OSBPL9: variants seen among roughly 807,000 people sequenced by gnomAD.
OSBPL9 encodes oxysterol binding protein like 9, also known as oxysterol-binding protein-related protein 9.
OSBPL9 carries 40 observed loss-of-function variants against 106.6 expected under a neutral mutation model. The observed-to-expected ratio is 0.38, with a 90% CI of 0.29 to 0.49. The LOEUF is 0.49. OSBPL9 is among the 20% of genes least tolerant of loss of function. The pLI, the probability that OSBPL9 is intolerant of heterozygous loss-of-function variation, is 0.97. For missense variants in OSBPL9, 609 were observed against 887.2 expected, an observed-to-expected ratio of 0.69 and a Z score of 3.98; for synonymous variants, 269 against 295.4, an observed-to-expected ratio of 0.91 and a Z score of 0.92.
the OSBPL9 span, among the ~76,000 whole-genome samples, chr1:51,540,221 A>T: frequency 4.7e-4 from 71 of 150,104 alleles, no homozygotes; most frequent in East Asian, 6.1e-3. Context: ...ATTATTTTAA[A>T]TTTTTTTTTT....
At chr1:51,568,810 A>G in the OSBPL9 span, among the ~76,000 whole-genome samples, 1 of 152,028 alleles carries the variant, frequency 6.6e-6, no homozygotes, top group Non-Finnish European at 1.5e-5. Context: ...GCTCACTACA[A>G]CCTCCATCTC....
In OSBPL9 at chr1:51,745,573, T is replaced by A; in HGVS notation, c.356T>A (p.Phe119Tyr). Reference sequence around the variant, plus strand: ...GGATTTGTTCCTAGTGTCCAAGATTTTGATAAGAAACTTACAGAAGCTGAT... The same window carrying A: ...GGATTTGTTCCTAGTGTCCAAGATTATGATAAGAAACTTACAGAAGCTGAT... ...DSGFVPSVQDFDKKLTEADAY... is the reference protein window; with the variant it reads ...DSGFVPSVQDYDKKLTEADAY... The change falls in exon 5 of 24, where the codon TTT becomes TAT. Residue 119 changes from phenylalanine (F) to tyrosine (Y), a missense_variant. By Grantham distance (22) the Phe-to-Tyr change is conservative (BLOSUM62 3). Coordinates refer to ENST00000428468, the MANE Select transcript of OSBPL9 (RefSeq NM_024586.6). 6.2e-7 allele frequency: 1 copy of A among 1,608,860 alleles called. No homozygotes were observed.
At position 51,781,155 on chromosome 1, in the gene OSBPL9, C is replaced by A. The variant is rs1676293667; in HGVS notation, c.1257-9C>A. The A allele has an allele frequency of 1.2e-6, 2 of 1,613,210 alleles. No individual in the cohort carries two copies. Among genetic ancestry groups the A allele is most frequent in the South Asian group, 2.2e-5 (2 of 91,026 alleles). ...GCAGGACATTAAATTTTGTCTTTCTCCCTTGCAGCATTAGTGACCAGAAGG... is the reference window on the plus strand; with the variant it reads ...GCAGGACATTAAATTTTGTCTTTCTACCTTGCAGCATTAGTGACCAGAAGG... On this transcript the variant is annotated splice_polypyrimidine_tract_variant and intron_variant, in intron 15 of 23. Coordinates refer to ENST00000428468, the MANE Select transcript of OSBPL9 (RefSeq NM_024586.6).
chr1:51,602,419 ATT>A (rs1357173060), intron 2 of OSBPL9, among the ~76,000 whole-genome samples: 8 of 104,660 alleles, frequency 7.6e-5, no homozygotes, highest in Admixed American at 2.0e-4. Flanking sequence ...TTTTTTTTTA[ATT>A]TTTTTTTTTT....
the OSBPL9 span, chr1:51,563,630 A>T: frequency 6.6e-6 from 1 of 152,014 alleles, no homozygotes; most frequent in East Asian, 1.9e-4. Context: ...CTCACCTTAT[A>T]CTTCGGATTT....
At chr1:51,704,510 G>A (rs1658006470) in intron 3 of OSBPL9, among the ~76,000 whole-genome samples, 1 of 152,174 alleles carries the variant, frequency 6.6e-6, no homozygotes, top group African/African-American at 2.4e-5. Context: ...TCATGTTTTA[G>A]TTAGTTTGGG....
chr1:51,559,871 AT>A, the OSBPL9 span, among the ~76,000 whole-genome samples: 10 of 151,378 alleles, frequency 6.6e-5, no homozygotes, highest in Admixed American at 6.6e-5. Flanking sequence ...TAAAAAAAAA[AT>A]AACAATGCAA....
intron 6 of OSBPL9, among the ~76,000 whole-genome samples, chr1:51,747,205 G>A (rs1404690567): frequency 6.6e-6 from 1 of 152,202 alleles, no homozygotes; most frequent in Admixed American, 6.5e-5. Context: ...GACCTCAGGT[G>A]ATCCACCCAC....
intron 3 of OSBPL9, among the ~76,000 whole-genome samples, chr1:51,671,403 C>T (rs916406263): frequency 4.0e-5 from 6 of 151,828 alleles, no homozygotes; most frequent in African/African-American, 1.2e-4. Flanking sequence ...TTGAATACAC[C>T]AGTTTTTTTT....
chr1:51,626,973 G>T (rs1441447560), intron 1 of OSBPL9, among the ~76,000 whole-genome samples: 9 of 152,076 alleles, frequency 5.9e-5, no homozygotes, highest in Admixed American at 5.9e-4. Context: ...ATAATGGGTA[G>T]GTCTGATCCA....
the OSBPL9 span, among the ~76,000 whole-genome samples, chr1:51,520,360 G>A: frequency 1.3e-5 from 2 of 152,162 alleles, no homozygotes; most frequent in Non-Finnish European, 2.9e-5. Flanking sequence ...AAGTCTCAGA[G>A]TATATACCAC....
At chr1:51,580,950 AT>A (rs2148598889) in intron 1 of OSBPL9, among the ~76,000 whole-genome samples, 2 of 1,404 alleles carry the variant, frequency 1.4e-3, no homozygotes, top group African/African-American at 2.2e-3. Flanking sequence ...ATATATATAT[AT>A]ATAACTTTTT....
At chr1:51,673,254 A>T (rs1650334337) in intron 3 of OSBPL9, among the ~76,000 whole-genome samples, 1 of 152,306 alleles carries the variant, frequency 6.6e-6, no homozygotes, top group South Asian at 2.1e-4. Context: ...TAAGATGAGG[A>T]TTGAGAAATG....
chr1:51,742,979 T>C (rs768943193), intron 4 of OSBPL9, among the ~76,000 whole-genome samples: 6 of 152,204 alleles, frequency 3.9e-5, no homozygotes, highest in African/African-American at 1.4e-4. Context: ...AGGTGACTGC[T>C]GTAAGTCACA....
chr1:51,675,405 A>AGTGTGT (rs61005283), intron 3 of OSBPL9, among the ~76,000 whole-genome samples: 5 of 149,360 alleles, frequency 3.3e-5, no homozygotes, highest in East Asian at 3.9e-4. Context: ...AATGGGGTTG[A>AGTGTGT]GTGTGTGTGT....
chr1:51,755,821 C>T (rs1450329661), intron 8 of OSBPL9, among the ~76,000 whole-genome samples: 4 of 152,190 alleles, frequency 2.6e-5, no homozygotes, highest in Admixed American at 6.5e-5. Flanking sequence ...AGTTGAGGAG[C>T]GTCAGTGCCT....
chr1:51,761,380 A>G (rs901032446), intron 10 of OSBPL9, among the ~76,000 whole-genome samples: 8 of 151,694 alleles, frequency 5.3e-5, no homozygotes, highest in Non-Finnish European at 1.2e-4. Context: ...CAACATTTCT[A>G]TGTTCTCGAT....
intron 8 of OSBPL9, among the ~76,000 whole-genome samples, chr1:51,751,338 C>T (rs1430032029): frequency 6.6e-6 from 1 of 152,028 alleles, no homozygotes; most frequent in Admixed American, 6.6e-5. Flanking sequence ...GCTGGGATTA[C>T]AGGCGTGAGC....
At chr1:51,642,092 G>A (rs1269330462) in intron 1 of OSBPL9, among the ~76,000 whole-genome samples, 4 of 152,022 alleles carry the variant, frequency 2.6e-5, no homozygotes, top group African/African-American at 4.8e-5. Flanking sequence ...AGTTTAATTT[G>A]TCTTTGGGCA....
Sources: allele counts gnomAD v4.1 joint callset (sites outside exome capture counted in the v4.1 genomes callset), GRCh38; gene constraint gnomAD v4.1.1; transcripts MANE v1.5; gene names NCBI Gene and HGNC (gene_info 2026-07-23, HGNC 2026-07-21).